CTNNA3: variants seen among roughly 807,000 people sequenced by gnomAD.
CTNNA3 encodes catenin alpha-3.
In CTNNA3, 76 loss-of-function variants were observed where a neutral mutation model predicts 95.7. That is an observed-to-expected ratio of 0.79 (90% CI 0.66 to 0.96). The LOEUF (loss-of-function observed/expected upper bound fraction) is 0.96, where lower values mean the gene tolerates loss of function less well. CTNNA3 is among the 40% of genes least tolerant of loss of function. CTNNA3 has a pLI of 0.00. For synonymous variants in CTNNA3, 431 were observed against 374.4 expected, an observed-to-expected ratio of 1.15 and a Z score of -1.74; for missense variants, 1,191 against 1,089.8, an observed-to-expected ratio of 1.09 and a Z score of -1.31.
At chr10:66,882,396 C>T (rs938082080) in intron 7 of CTNNA3, among the ~76,000 whole-genome samples, 2 of 152,104 alleles carry the variant, frequency 1.3e-5, no homozygotes, top group African/African-American at 2.4e-5. Flanking sequence ...CCTTGAATTT[C>T]GGCCATCAAA....
In CTNNA3 at chr10:66,216,616, A is replaced by C. The variant is rs118045285; in HGVS notation, c.1884+63854T>G. The stretch of plus-strand genomic sequence containing the variant: ...CTAACATAAAATGGTTAAGCAATGC[A>C]TCCACAGCTACACAGTTAATAGGTA... On this transcript the variant is annotated intron_variant, in intron 13 of 17. Transcript: ENST00000433211. 5.2e-3 allele frequency among the ~76,000 whole-genome samples: 794 copies of C among 152,366 alleles called. 5 individuals are homozygous for C. Among genetic ancestry groups the C allele is most frequent in the Admixed American group, 0.015 (234 of 15,304 alleles).
chr10:66,737,999 G>A (rs1351736603), intron 9 of CTNNA3, among the ~76,000 whole-genome samples: 2 of 152,146 alleles, frequency 1.3e-5, no homozygotes, highest in Non-Finnish European at 2.9e-5. Context: ...TCCCTGCACT[G>A]AAGGATATGA....
intron 13 of CTNNA3, among the ~76,000 whole-genome samples, chr10:66,198,548 GAAT>G (rs1173033117): frequency 1.3e-5 from 2 of 151,948 alleles, no homozygotes; most frequent in Non-Finnish European, 1.5e-5. Flanking sequence ...GCTAGACTGT[GAAT>G]AATAATAATG....
At chr10:66,028,977 A>C (rs1366397343) in intron 15 of CTNNA3, among the ~76,000 whole-genome samples, 1 of 152,172 alleles carries the variant, frequency 6.6e-6, no homozygotes, top group Non-Finnish European at 1.5e-5. Flanking sequence ...ATTGGAAGAT[A>C]AAATGAAGAA....
At chr10:67,051,986 C>A (rs1855125137) in intron 7 of CTNNA3, among the ~76,000 whole-genome samples, 1 of 149,556 alleles carries the variant, frequency 6.7e-6, no homozygotes, top group Non-Finnish European at 1.5e-5. Context: ...AACTCCTGAC[C>A]TCAGGTGACC....
intron 9 of CTNNA3, among the ~76,000 whole-genome samples, chr10:66,633,875 A>AG (rs996748903): frequency 1.4e-4 from 21 of 152,154 alleles, no homozygotes; most frequent in Non-Finnish European, 2.4e-4. Context: ...CTATATTAAC[A>AG]GTGAAATTAG....
intron 9 of CTNNA3, among the ~76,000 whole-genome samples, chr10:66,667,285 T>A (rs2132460672): frequency 6.8e-6 from 1 of 147,456 alleles, no homozygotes; most frequent in Middle Eastern, 3.5e-3. Context: ...TTCCCGCCTG[T>A]CCAGATATTT....
At position 66,346,589 on chromosome 10, in the gene CTNNA3, T is replaced by C. The variant is rs747656565; in HGVS notation, c.1732+32563A>G. On this transcript the variant is annotated intron_variant, in intron 12 of 17. Transcript: ENST00000433211. Reference sequence around the variant, plus strand: ...ACCGCACCTGGCCAAATAGTAAATATATTCATAACAATTAAAAACACTTGT... The same window carrying C: ...ACCGCACCTGGCCAAATAGTAAATACATTCATAACAATTAAAAACACTTGT... Among the ~76,000 whole-genome samples the C allele has an allele frequency of 1.9e-4, 29 of 152,006 alleles. 1 individual carries two copies. Among genetic ancestry groups the C allele is most frequent in the Non-Finnish European group, 2.9e-4 (20 of 67,956 alleles).
At chr10:66,512,952 T>A (rs1046585369) in intron 11 of CTNNA3, among the ~76,000 whole-genome samples, 2 of 151,914 alleles carry the variant, frequency 1.3e-5, no homozygotes, top group African/African-American at 4.9e-5. Flanking sequence ...TTGTCTTTAC[T>A]TTGACAATTT....
intron 5 of CTNNA3, among the ~76,000 whole-genome samples, chr10:67,258,325 G>A (rs1030704384): frequency 8.6e-5 from 13 of 151,980 alleles, no homozygotes; most frequent in African/African-American, 2.7e-4. Flanking sequence ...TGTAATTTTA[G>A]TAGAGATGGA....
At chr10:66,918,947 A>G (rs959556001) in intron 7 of CTNNA3, among the ~76,000 whole-genome samples, 1 of 151,954 alleles carries the variant, frequency 6.6e-6, no homozygotes, top group Non-Finnish European at 1.5e-5. Flanking sequence ...CATCCTGGCT[A>G]ACACGGTGAA....
At chr10:66,380,575 T>C (rs1254416423) in intron 11 of CTNNA3, among the ~76,000 whole-genome samples, 2 of 150,836 alleles carry the variant, frequency 1.3e-5, no homozygotes, top group Non-Finnish European at 2.9e-5. Context: ...GCCACTACAC[T>C]CCAGCCTGGG....
chr10:66,034,460 G>C (rs1310032105), intron 15 of CTNNA3, among the ~76,000 whole-genome samples: 2 of 152,132 alleles, frequency 1.3e-5, no homozygotes, highest in Admixed American at 1.3e-4. Context: ...ACAGTCTCCA[G>C]TTCAATTCTT....
chr10:67,545,939 TA>T (rs1209509800), intron 3 of CTNNA3, among the ~76,000 whole-genome samples: 5 of 152,192 alleles, frequency 3.3e-5, no homozygotes, highest in Non-Finnish European at 5.9e-5. Context: ...ACACAACTCC[TA>T]ACTTAAAACT....
intron 1 of CTNNA3, chr10:67,648,884 C>T (rs1344498654): frequency 2.1e-6 from 2 of 951,894 alleles, no homozygotes; most frequent in Non-Finnish European, 2.8e-6. Context: ...CTCTCAAATG[C>T]ATTTCTAGAA....
At chr10:67,319,188 T>C (rs1231149276) in intron 5 of CTNNA3, among the ~76,000 whole-genome samples, 1 of 152,214 alleles carries the variant, frequency 6.6e-6, no homozygotes, top group Non-Finnish European at 1.5e-5. Flanking sequence ...TCACAACTCA[T>C]TGCTGGAAAA....
chr10:66,109,139 T>C (rs7910194), intron 13 of CTNNA3, among the ~76,000 whole-genome samples: 150,955 of 152,292 alleles, frequency 0.99, 74,825 homozygotes, highest in East Asian at 1. Context: ...TTTCAAATCT[T>C]ACCATAGCCC....
At chr10:66,084,619 T>A (rs7923623) in intron 14 of CTNNA3, among the ~76,000 whole-genome samples, 3 of 151,874 alleles carry the variant, frequency 2.0e-5, no homozygotes, top group Non-Finnish European at 4.4e-5. Flanking sequence ...TCATCTTGAT[T>A]AGTTGAAAAT....
chr10:67,566,233 C>G (rs1454256705), intron 3 of CTNNA3, among the ~76,000 whole-genome samples: 2 of 141,932 alleles, frequency 1.4e-5, no homozygotes, highest in African/African-American at 5.2e-5. Context: ...AGTGAACAGG[C>G]AACCTACAGA....
Sources: gnomAD v4.1 joint callset for allele counts (sites outside exome capture counted in the v4.1 genomes callset) on GRCh38, gnomAD v4.1.1 for gene constraint, MANE v1.5 for transcripts, NCBI Gene and HGNC (gene_info 2026-07-23, HGNC 2026-07-21) for gene names.